Variants in ROCK2 observed in about 807,000 individuals in gnomAD.
ROCK2 encodes the protein Rho associated coiled-coil containing protein kinase 2.
ROCK2 carries 61 observed loss-of-function variants against 195.1 expected under a neutral mutation model. The ratio of observed to expected loss-of-function variants is 0.31; its 90% CI spans 0.25 to 0.39. The LOEUF (loss-of-function observed/expected upper bound fraction) is 0.39. Among genes scored for constraint, ROCK2 ranks in the 10% least tolerant of loss-of-function variants. ROCK2 has a pLI of 1.00. For synonymous variants in ROCK2, 504 were observed against 545.5 expected, an observed-to-expected ratio of 0.92 and a Z score of 1.06; for missense variants, 1,109 against 1,637.4, an observed-to-expected ratio of 0.68 and a Z score of 5.57.
intron 4 of ROCK2, among the ~76,000 whole-genome samples, chr2:11,249,198 A>G (rs966626189): frequency 2.0e-5 from 3 of 152,146 alleles, no homozygotes; most frequent in African/African-American, 7.2e-5. Flanking sequence ...GCCTGGCCAC[A>G]CAAACTTTTT....
At position 11,286,774 on chromosome 2, in the gene ROCK2, T is replaced by C. The variant is rs576216644; in HGVS notation, c.224-135A>G. ...CTTGCCAGTTTTTAAAGGCTGTTAG[T>C]TAAAAATCTAAGATATACATTAACG... On this transcript the variant is annotated intron_variant, in intron 2 of 32. Transcript: ENST00000315872. The C allele has an allele frequency of 2.8e-5, 15 of 534,384 alleles. No individual in the cohort carries two copies. In the East Asian group the frequency reaches 2.9e-4, roughly 10 times the overall value. 33.1% of individuals were successfully genotyped at this position (534,384 alleles called of 1,614,324 possible).
intron 13 of ROCK2, 54 bp from the exon 14 acceptor site, chr2:11,215,699 A>C: frequency 6.9e-7 from 1 of 1,458,324 alleles, no homozygotes; most frequent in Non-Finnish European, 9.3e-7. Flanking sequence ...AATGAAATCA[A>C]AACAAAAAAT....
At chr2:11,247,628 G>A (rs1665663740) in intron 4 of ROCK2, among the ~76,000 whole-genome samples, 1 of 152,186 alleles carries the variant, frequency 6.6e-6, no homozygotes, top group Non-Finnish European at 1.5e-5. Context: ...ATCAATTTAT[G>A]AAATAACCAG....
intron 3 of ROCK2, among the ~76,000 whole-genome samples, chr2:11,272,472 T>G (rs189306894): frequency 8.5e-5 from 13 of 152,288 alleles, no homozygotes; most frequent in African/African-American, 3.1e-4. Context: ...ACCCATTTTG[T>G]TCTATATAAA....
intron 9 of ROCK2, 120 bp downstream of exon 9, chr2:11,221,078 T>TA: frequency 1.6e-6 from 1 of 618,996 alleles, no homozygotes; most frequent in Non-Finnish European, 2.6e-6. Flanking sequence ...CTTCTGATGA[T>TA]AGTCCTTTTG....
At chr2:11,340,451 T>C (rs562772139) in intron 1 of ROCK2, among the ~76,000 whole-genome samples, 14 of 152,328 alleles carry the variant, frequency 9.2e-5, no homozygotes, top group Admixed American at 8.5e-4. Flanking sequence ...ACCTTTTTTT[T>C]AAAACCTCCC....
Position 11,197,491 on chromosome 2 carries a change from A to C in ROCK2, c.3279+35T>G. 6.3e-7 allele frequency: 1 copy of C among 1,579,326 alleles called. No individual in the cohort carries two copies. The highest frequency in any genetic ancestry group is 1.2e-5 in the South Asian group (1 of 86,038). On this transcript the variant is annotated intron_variant, in intron 26 of 32. Transcript: ENST00000315872. This position sits in a 1 kb window ranked among gnomAD's most constrained non-coding sequence, Gnocchi z 4.9. ...GAAAATAATTCTACTTCTTAAAAAG[A>C]AGTCTTCAGTCTAGAGTCCAAAAAG... is the stretch of plus-strand genomic sequence containing the variant.
intron 32 of ROCK2, among the ~76,000 whole-genome samples, chr2:11,189,060 G>T (rs1663316769): frequency 6.6e-6 from 1 of 151,776 alleles, no homozygotes; most frequent in Non-Finnish European, 1.5e-5. Flanking sequence ...AAAAAGAAGA[G>T]AAAAAGATGT....
chr2:11,216,074 G>T, intron 13 of ROCK2, 84 bp downstream of exon 13: 1 of 1,029,406 alleles, frequency 9.7e-7, no homozygotes, highest in Non-Finnish European at 1.5e-6. Flanking sequence ...GTATTACTAT[G>T]GTACCAAGAG....
chr2:11,192,173 G>T lies in ROCK2; in HGVS notation c.4138C>A (p.Arg1380=). ...CTAGGTTTGTTTGGGGCAAGCTGTC[G>T]ACTTGGCCGTCTAATAGACTGGTTT... ...QQNQSIRRPS[R]QLAPNKPS Residue 1380 remains arginine, a synonymous_variant, in exon 32 of 33, where the codon CGA becomes AGA. Transcript: ENST00000315872. The surrounding 1 kb of genome is among the most constrained non-coding windows in gnomAD (Gnocchi z 5.0). 6.2e-7 allele frequency: 1 copy of T among 1,608,932 alleles called. No homozygotes were observed. Among genetic ancestry groups the T allele is most frequent in the Non-Finnish European group, 8.5e-7 (1 of 1,177,776 alleles).
Position 11,221,257 on chromosome 2 carries a change from A to G in ROCK2, c.1200T>C (p.Pro400=). ...GCAGCTGATTTCCAACAAAAGCTTT[A>G]GGAATTGGGAAGGTTTCTACATCTC... ...DKGDVETFPI[P]KAFVGNQLPF... The change falls in exon 9 of 33, where the codon CCT becomes CCC. Residue 400 remains proline, a synonymous_variant. Coordinates refer to ENST00000315872, the MANE Select transcript of ROCK2 (RefSeq NM_004850.5). 10 of 1,588,562 alleles carry G rather than the reference A, an allele frequency of 6.3e-6. No individual in the cohort carries two copies. The highest frequency in any genetic ancestry group is 8.5e-6 in the Non-Finnish European group (10 of 1,169,958).
chr2:11,343,196 G>A (rs1465051152), intron 1 of ROCK2, among the ~76,000 whole-genome samples: 1 of 152,106 alleles, frequency 6.6e-6, no homozygotes, highest in Non-Finnish European at 1.5e-5. Flanking sequence ...CTCAAATTGC[G>A]AAATACAATC....
At chr2:11,283,313 C>T (rs971585585) in intron 3 of ROCK2, among the ~76,000 whole-genome samples, 2 of 149,372 alleles carry the variant, frequency 1.3e-5, no homozygotes, top group African/African-American at 4.9e-5. Flanking sequence ...GTAATCCCAG[C>T]ACTTTGGGAG....
chr2:11,277,946 A>C (rs1666882144), intron 3 of ROCK2, among the ~76,000 whole-genome samples: 1 of 152,190 alleles, frequency 6.6e-6, no homozygotes, highest in Admixed American at 6.5e-5. Context: ...AGTTCCTTTC[A>C]TAAAAATTTT....
chr2:11,236,018 TCAG>T, intron 4 of ROCK2, 56 bp from the exon 5 acceptor site: 1 of 1,409,714 alleles, frequency 7.1e-7, no homozygotes, highest in Non-Finnish European at 9.4e-7. Flanking sequence ...AAAATCATAA[TCAG>T]AACAAAAATT....
chr2:11,260,465 AAAG>A (rs1666188484), intron 3 of ROCK2, among the ~76,000 whole-genome samples: 1 of 151,588 alleles, frequency 6.6e-6, no homozygotes, highest in Non-Finnish European at 1.5e-5. Context: ...AAAAAAAAAA[AAAG>A]GAGTTGTGCT....
chr2:11,216,920 C>T (rs550560908), intron 12 of ROCK2, among the ~76,000 whole-genome samples, 170 bp downstream of exon 12: 187 of 152,072 alleles, frequency 1.2e-3, no homozygotes, highest in Non-Finnish European at 1.8e-3. Context: ...GACTGGGTTT[C>T]GCCATCTTGG....
intron 1 of ROCK2, among the ~76,000 whole-genome samples, chr2:11,292,532 T>G (rs1443947942): frequency 6.7e-6 from 1 of 149,568 alleles, no homozygotes; most frequent in Admixed American, 6.6e-5. Context: ...TAAAAGTTAA[T>G]AAAATAATAA....
chr2:11,308,706 A>G (rs1233806391), intron 1 of ROCK2: 7 of 1,601,150 alleles, frequency 4.4e-6, no homozygotes, highest in East Asian at 2.2e-5. Flanking sequence ...CTCCAGAAGC[A>G]TGTTGAAAAA....
Sources: gnomAD v4.1 joint callset for allele counts (sites outside exome capture counted in the v4.1 genomes callset) on GRCh38, gnomAD v4.1.1 for gene constraint, Gnocchi (gnomAD v3.1) non-coding constraint, MANE v1.5 for transcripts, NCBI Gene and HGNC (gene_info 2026-07-23, HGNC 2026-07-21) for gene names.